COX16: variants seen among roughly 807,000 people sequenced by gnomAD.
COX16 encodes cytochrome c oxidase assembly factor COX16, also known as cytochrome c oxidase assembly protein COX16 homolog, mitochondrial.
COX16 carries 12 observed loss-of-function variants against 15.4 expected under a neutral mutation model. The observed-to-expected ratio is 0.78, with a 90% confidence interval of 0.50 to 1.26. The LOEUF is 1.26. COX16 is among the 50% of genes most tolerant of loss of function. The probability of loss-of-function intolerance (pLI) is 0.00; values close to 1 mark genes in which losing one functional copy is unlikely to be tolerated. For synonymous variants in COX16, 46 were observed against 41.1 expected, an observed-to-expected ratio of 1.12 and a Z score of -0.46; for missense variants, 124 against 127.6, an observed-to-expected ratio of 0.97 and a Z score of 0.14.
chr14:70,359,154 G>A, intron 1 of COX16: 1 of 465,906 alleles, frequency 2.1e-6, no homozygotes, highest in East Asian at 6.6e-5. Flanking sequence ...AGCAAGCTTA[G>A]TAATCATCCA....
chr14:70,329,069 C>A, intron 3 of COX16, 105 bp downstream of exon 3: 1 of 980,720 alleles, frequency 1.0e-6, no homozygotes, highest in African/African-American at 1.7e-5. Context: ...TTATCAAATA[C>A]CATATATATT....
intron 2 of COX16, among the ~76,000 whole-genome samples, chr14:70,335,486 A>G (rs1041213860): frequency 6.6e-6 from 1 of 152,158 alleles, no homozygotes; most frequent in East Asian, 1.9e-4. Flanking sequence ...TATCAATCAT[A>G]TCAAGTGTCT....
At chr14:70,350,340 G>A (rs905902847) in intron 1 of COX16, among the ~76,000 whole-genome samples, 1 of 152,096 alleles carries the variant, frequency 6.6e-6, no homozygotes, top group Admixed American at 6.5e-5. Flanking sequence ...TAAAACTTTC[G>A]TCCCGTCCTC....
At chr14:70,357,764 G>A (rs191287543) in intron 1 of COX16, among the ~76,000 whole-genome samples, 2 of 152,352 alleles carry the variant, frequency 1.3e-5, no homozygotes, top group Admixed American at 1.3e-4. Context: ...TGGCAAGGAT[G>A]TGGAGAAATT....
intron 1 of COX16, among the ~76,000 whole-genome samples, chr14:70,354,843 T>C (rs989344470): frequency 2.7e-5 from 4 of 150,614 alleles, no homozygotes; most frequent in East Asian, 2.0e-4. Context: ...TGTGTGTGCG[T>C]GTGTGTGTGT....
At chr14:70,329,128 C>A in intron 3 of COX16, 46 bp downstream of exon 3, 1 of 1,535,496 alleles carries the variant, frequency 6.5e-7, no homozygotes, top group South Asian at 1.3e-5. Flanking sequence ...CAGATAAAAC[C>A]AGTAACTGAT....
Position 70,328,848 on chromosome 14 carries a change from G to GT in COX16, c.204+325_204+326insA, listed in dbSNP as rs1162176570. Reference sequence around the variant, plus strand: ...TTGAATTTGTATGTATGAACCCATTGATCTTTACTTTTAGAGCTTCTGGGT... The same window carrying GT: ...TTGAATTTGTATGTATGAACCCATTGTATCTTTACTTTTAGAGCTTCTGGGT... On this transcript the variant is annotated intron_variant, in intron 3 of 3. Coordinates refer to ENST00000389912, the MANE Select transcript of COX16 (RefSeq NM_016468.7). 1.2e-3 allele frequency among the ~76,000 whole-genome samples: 179 copies of GT among 152,092 alleles called. 1 individual carries two copies. Among genetic ancestry groups the GT allele is most frequent in the African/African-American group, 4.2e-3 (176 of 41,516 alleles).
At chr14:70,339,146 G>A (rs375672242) in intron 2 of COX16, among the ~76,000 whole-genome samples, 167 of 152,210 alleles carry the variant, frequency 1.1e-3, no homozygotes, top group African/African-American at 3.8e-3. Flanking sequence ...CTTACTGCTC[G>A]CAATTGCAAT....
intron 2 of COX16, among the ~76,000 whole-genome samples, chr14:70,332,608 C>T (rs1249349537): frequency 6.6e-6 from 1 of 152,224 alleles, no homozygotes; most frequent in African/African-American, 2.4e-5. Context: ...GGCATGCCAT[C>T]CTCTCTTCTA....
At chr14:70,335,439 T>C (rs1886419513) in intron 2 of COX16, among the ~76,000 whole-genome samples, 1 of 152,128 alleles carries the variant, frequency 6.6e-6, no homozygotes. Flanking sequence ...GGATAGACCA[T>C]ATGTTAGGCC....
chr14:70,342,136 T>G (rs977356199), intron 2 of COX16, among the ~76,000 whole-genome samples: 1 of 152,174 alleles, frequency 6.6e-6, no homozygotes, highest in South Asian at 2.1e-4. Flanking sequence ...CATTGCAAAT[T>G]TCCTAATGAA....
At chr14:70,332,589 AATGTG>A (rs905520636) in intron 2 of COX16, among the ~76,000 whole-genome samples, 2 of 152,204 alleles carry the variant, frequency 1.3e-5, no homozygotes, top group Admixed American at 6.5e-5. Flanking sequence ...CACCTGAGCC[AATGTG>A]ACAGGCATGC....
intron 1 of COX16, among the ~76,000 whole-genome samples, chr14:70,345,286 C>G (rs574181458): frequency 2.0e-5 from 3 of 152,232 alleles, no homozygotes; most frequent in Non-Finnish European, 4.4e-5. Context: ...TCCAAGAAGG[C>G]GCCGGCGTGT....
chr14:70,351,919 A>G (rs1886968087), intron 1 of COX16, among the ~76,000 whole-genome samples: 1 of 152,182 alleles, frequency 6.6e-6, no homozygotes, highest in African/African-American at 2.4e-5. Context: ...TAGGGATCAA[A>G]CTTTATTTTT....
chr14:70,348,895 G>C (rs1327697492), intron 1 of COX16, among the ~76,000 whole-genome samples: 1 of 152,106 alleles, frequency 6.6e-6, no homozygotes, highest in African/African-American at 2.4e-5. Flanking sequence ...CTGGAAATGC[G>C]CTAGCAGATC....
chr14:70,339,824 G>C (rs1156308264), intron 2 of COX16, among the ~76,000 whole-genome samples: 1 of 152,068 alleles, frequency 6.6e-6, no homozygotes, highest in African/African-American at 2.4e-5. Flanking sequence ...AATGTCATAA[G>C]CCTTGTCTTC....
In COX16 at chr14:70,359,666, C is replaced by A; in HGVS notation, c.-79G>T. ...AAATCTCAGCAGCTCACGCTCTCACCAAGACGAGTACGTCCTTAACTCACT... is the reference window on the plus strand; with the variant it reads ...AAATCTCAGCAGCTCACGCTCTCACAAAGACGAGTACGTCCTTAACTCACT... On this transcript the variant is annotated 5_prime_UTR_variant, in exon 1 of 4. Transcript: ENST00000389912. 2 of 1,269,516 alleles carry A rather than the reference C, an allele frequency of 1.6e-6. No individual in the cohort carries two copies. Among genetic ancestry groups the A allele is most frequent in the Non-Finnish European group, 2.3e-6 (2 of 870,854 alleles). 78.6% of individuals were successfully genotyped at this position (1,269,516 alleles called of 1,614,324 possible).
intron 3 of COX16, among the ~76,000 whole-genome samples, chr14:70,327,237 C>G (rs1450995546): frequency 1.3e-5 from 2 of 152,138 alleles, no homozygotes. Context: ...CACTTGGATA[C>G]TAAGCATTAC....
rs1259466020 is a variant in COX16 at position 70,329,097 on chromosome 14, GTAC to G, written c.204+74_204+76del. 4 of 1,382,578 alleles carry G rather than the reference GTAC, an allele frequency of 2.9e-6. No homozygotes were observed. In the Admixed American group the frequency reaches 7.6e-5, roughly 26 times the overall value. 85.6% of individuals were successfully genotyped at this position (1,382,578 alleles called of 1,614,324 possible). A position where few individuals can be genotyped will look rare whatever the true frequency, so the allele number is the denominator to read the frequency against. ...TATATATTCAACGTAATTTTTTTCT[GTAC>G]TACTAATACTTTTAAGGCAGATAAA... On this transcript the variant is annotated intron_variant, in intron 3 of 3. Coordinates refer to ENST00000389912, the MANE Select transcript of COX16 (RefSeq NM_016468.7).
Sources: allele counts gnomAD v4.1 joint callset (sites outside exome capture counted in the v4.1 genomes callset), GRCh38; gene constraint gnomAD v4.1.1; transcripts MANE v1.5; gene names NCBI Gene and HGNC (gene_info 2026-07-23, HGNC 2026-07-21).